Variants in ATP10A observed in about 807,000 individuals in gnomAD.
ATP10A encodes the protein phospholipid-transporting ATPase VA.
A neutral mutation model predicts 147.8 loss-of-function variants in ATP10A; 111 were observed. The observed-to-expected ratio is 0.75, with a 90% CI of 0.64 to 0.88. The LOEUF (loss-of-function observed/expected upper bound fraction) is 0.88, where lower values mean the gene tolerates loss of function less well. ATP10A is among the 40% of genes least tolerant of loss of function. The pLI is 0.00. For synonymous variants in ATP10A, 875 were observed against 841.6 expected, an observed-to-expected ratio of 1.04 and a Z score of -0.69; for missense variants, 1,927 against 1,959.0, an observed-to-expected ratio of 0.98 and a Z score of 0.31.
At chr15:25,857,466 T>A (rs1021201169) in intron 1 of ATP10A, among the ~76,000 whole-genome samples, 1 of 152,148 alleles carries the variant, frequency 6.6e-6, no homozygotes, top group East Asian at 1.9e-4. Flanking sequence ...TAATTTTTTT[T>A]AGGTATGATA....
intron 17 of ATP10A, among the ~76,000 whole-genome samples, chr15:25,681,941 C>G (rs567761146): frequency 1.6e-4 from 25 of 151,718 alleles, no homozygotes; most frequent in Non-Finnish European, 2.4e-4. Context: ...GTAGTCCCAG[C>G]TACTCAGGAG....
intron 2 of ATP10A, among the ~76,000 whole-genome samples, chr15:25,763,526 T>C (rs1191000041): frequency 6.6e-6 from 1 of 152,148 alleles, no homozygotes; most frequent in East Asian, 1.9e-4. Context: ...TGTGTCAACT[T>C]GAGTGGGCCA....
intron 2 of ATP10A, among the ~76,000 whole-genome samples, chr15:25,759,470 G>T (rs1489230611): frequency 2.4e-4 from 36 of 152,170 alleles, no homozygotes; most frequent in Admixed American, 2.4e-3. Flanking sequence ...TTGAGCCTCT[G>T]TGTTAGAACA....
chr15:25,685,923 C>G (rs1166130344), intron 16 of ATP10A, among the ~76,000 whole-genome samples: 1 of 152,138 alleles, frequency 6.6e-6, no homozygotes, highest in African/African-American at 2.4e-5. Context: ...CCCTGCCCAC[C>G]CCCATTCATC....
At chr15:25,744,775 T>G (rs1256375952) in intron 2 of ATP10A, among the ~76,000 whole-genome samples, 1 of 151,824 alleles carries the variant, frequency 6.6e-6, no homozygotes, top group African/African-American at 2.4e-5. Flanking sequence ...GATGAAAGGA[T>G]GAGAAGTACA....
At chr15:25,691,652 G>A (rs2140310002) in intron 15 of ATP10A, 63 bp downstream of exon 15, 1 of 1,550,504 alleles carries the variant, frequency 6.4e-7, no homozygotes, top group Non-Finnish European at 8.9e-7. Flanking sequence ...CAGCCCACAG[G>A]GTGACAGGAC....
intron 1 of ATP10A, among the ~76,000 whole-genome samples, chr15:25,790,679 G>A (rs1229528460): frequency 6.6e-6 from 1 of 152,182 alleles, no homozygotes; most frequent in Non-Finnish European, 1.5e-5. Context: ...CCTAAACACA[G>A]TATCACTTAC....
At chr15:25,799,646 T>C (rs1233216909) in intron 1 of ATP10A, among the ~76,000 whole-genome samples, 2 of 152,080 alleles carry the variant, frequency 1.3e-5, no homozygotes, top group Non-Finnish European at 1.5e-5. Context: ...AGGTGGAGGA[T>C]CGCTTGAGCC....
chr15:25,798,429 G>A lies in ATP10A; in HGVS notation c.450-17206C>T, dbSNP rs185757294. On this transcript the variant is annotated intron_variant, in intron 1 of 20. Coordinates refer to ENST00000555815, the MANE Select transcript of ATP10A (RefSeq NM_024490.4). ...CCATAGCCACCAGGAGGGCTCAGGC[G>A]GGAATCCTAAAGCCTCAGCAGACAC... Among the ~76,000 whole-genome samples, 400 of 152,264 alleles carry A rather than the reference G, an allele frequency of 2.6e-3. 5 individuals are homozygous for A. The highest frequency in any genetic ancestry group is 9.1e-3 in the African/African-American group (378 of 41,568).
Position 25,679,843 on chromosome 15 carries a change from T to G in ATP10A, c.3998A>C (p.Asp1333Ala). Residue 1333 changes from aspartate (D) to alanine (A), a missense_variant, in exon 21 of 21, where the codon GAC (aspartate) becomes GCC (alanine). By Grantham distance (126) the Asp-to-Ala change is moderately radical. Transcript: ENST00000555815. ...ETFAQGRLPK[D>A]SGTEHSSGRT... ...CCCTGATGAGTGCTCGGTTCCCGAG[T>G]CCTTCGGGAGGCGTCCCTGAGCAAA... The G allele has an allele frequency of 1.2e-6, 2 of 1,611,138 alleles. No homozygotes were observed. Among genetic ancestry groups the G allele is most frequent in the Non-Finnish European group, 1.7e-6 (2 of 1,179,916 alleles).
At chr15:25,767,310 C>G (rs943686160) in intron 2 of ATP10A, among the ~76,000 whole-genome samples, 1 of 152,164 alleles carries the variant, frequency 6.6e-6, no homozygotes, top group Non-Finnish European at 1.5e-5. Flanking sequence ...GGGTGCCATG[C>G]AAGGCTGCTG....
At chr15:25,710,347 G>A (rs927275319) in intron 10 of ATP10A, 1 of 152,504 alleles carries the variant, frequency 6.6e-6, no homozygotes, top group Non-Finnish European at 1.5e-5. Context: ...CTGCATCTGG[G>A]TCGGGGCAGG....
chr15:25,801,137 T>G (rs982437134), intron 1 of ATP10A, among the ~76,000 whole-genome samples: 1 of 152,150 alleles, frequency 6.6e-6, no homozygotes, highest in Non-Finnish European at 1.5e-5. Flanking sequence ...TATGCCCCCA[T>G]GTGTATTAAC....
chr15:25,762,329 C>T (rs571973819), intron 2 of ATP10A, among the ~76,000 whole-genome samples: 19 of 152,278 alleles, frequency 1.2e-4, no homozygotes, highest in South Asian at 2.1e-4. Context: ...AATACAGGAA[C>T]GCAGTGGCAC....
intron 3 of ATP10A, 38 bp downstream of exon 3, chr15:25,736,018 A>T (rs750842624): frequency 1.3e-6 from 2 of 1,523,386 alleles, no homozygotes; most frequent in South Asian, 2.2e-5. Context: ...GTAGTTATCA[A>T]ACAGAAGGAT....
At chr15:25,810,668 C>T (rs563190016) in intron 1 of ATP10A, among the ~76,000 whole-genome samples, 28 of 152,134 alleles carry the variant, frequency 1.8e-4, no homozygotes, top group South Asian at 1.2e-3. Context: ...GTTTGTACCA[C>T]GGTCTGAAAA....
intron 2 of ATP10A, among the ~76,000 whole-genome samples, chr15:25,769,348 G>A (rs145984295): frequency 0.046 from 6,946 of 151,762 alleles, 207 homozygotes; most frequent in African/African-American, 0.079. Context: ...TTAGCCGGGG[G>A]TGGTGGCGGG....
At chr15:25,697,381 A>G (rs928749412) in intron 13 of ATP10A, among the ~76,000 whole-genome samples, 1 of 152,256 alleles carries the variant, frequency 6.6e-6, no homozygotes, top group Admixed American at 6.5e-5. Context: ...CGAAATGCCC[A>G]TGATACAATC....
intron 12 of ATP10A, among the ~76,000 whole-genome samples, chr15:25,705,193 C>T (rs1254688133): frequency 6.6e-6 from 1 of 152,124 alleles, no homozygotes; most frequent in Non-Finnish European, 1.5e-5. Context: ...GTAATCCCAG[C>T]ACTTAGACAG....
Sources: gnomAD v4.1 joint callset for allele counts (sites outside exome capture counted in the v4.1 genomes callset) on GRCh38, gnomAD v4.1.1 for gene constraint, MANE v1.5 for transcripts, NCBI Gene and HGNC (gene_info 2026-07-23, HGNC 2026-07-21) for gene names.